POR: variants seen among roughly 807,000 people sequenced by gnomAD.
POR encodes cytochrome p450 oxidoreductase, also known as NADPH--cytochrome P450 reductase.
Under a neutral mutation model 84.0 loss-of-function variants are expected in POR, and 56 were observed. That is an observed-to-expected ratio of 0.67 (90% CI 0.54 to 0.83). The LOEUF is 0.83. Ranked by LOEUF, POR falls within the 40% of genes least tolerant of loss-of-function variation. The pLI is 0.00. For missense variants in POR, 938 were observed against 944.3 expected (o/e 0.99, Z 0.09); for synonymous variants, 414 against 400.5 (o/e 1.03, Z -0.40).
intron 5 of POR, 94 bp downstream of exon 5, chr7:75,980,582 C>T (rs1554557612): frequency 1.2e-6 from 2 of 1,610,406 alleles, no homozygotes; most frequent in Non-Finnish European, 1.7e-6. Flanking sequence ...GCCCTCCAGA[C>T]CCCCACCCTG....
intron 3 of POR, among the ~76,000 whole-genome samples, chr7:75,975,504 G>A (rs975351610): frequency 3.2e-4 from 49 of 152,130 alleles, no homozygotes; most frequent in Admixed American, 3.2e-3. Context: ...GTGGGACACA[G>A]TGGTGCGCAC....
At chr7:75,969,742 G>T (rs937848097) in intron 2 of POR, among the ~76,000 whole-genome samples, 9 of 152,186 alleles carry the variant, frequency 5.9e-5, no homozygotes, top group Non-Finnish European at 1.3e-4. Flanking sequence ...GTCCGCCCCT[G>T]CCAGCCTCGT....
rs1241525042 is a variant in POR, at chr7:75,933,382, T to TTTG, written c.-5+18205_-5+18206insGTT. ...TGTTATACAATAGGTCTTTGTTTTT[T>TTTG]TTTTTTTTTTTTTTTTTTTTTTTTG... On this transcript the variant is annotated intron_variant, in intron 1 of 15. Coordinates refer to ENST00000461988, the MANE Select transcript of POR (RefSeq NM_000941.3). 7.2e-4 allele frequency among the ~76,000 whole-genome samples: 62 copies of TTTG among 85,626 alleles called. 2 individuals carry two copies. The highest frequency in any genetic ancestry group is 6.9e-3 in the African/African-American group (60 of 8,720). The allele number at this position is 85,626 out of a possible 152,430, so 56.2% of individuals were successfully genotyped here.
intron 2 of POR, among the ~76,000 whole-genome samples, chr7:75,956,036 G>T (rs888189784): frequency 6.6e-6 from 1 of 152,126 alleles, no homozygotes; most frequent in Non-Finnish European, 1.5e-5. Flanking sequence ...AGCGGCTCAC[G>T]TCTGTAATTC....
At position 75,985,702 on chromosome 7, in the gene POR, G is replaced by T. The variant is rs547817208; in HGVS notation, c.1522G>T (p.Gly508Cys). ...CAAGGAGCCTGCCGGGGAGAACGGC[G>T]GCCGTGCGCTGGTGCCCATGTTCGT... Residue 508 changes from glycine (G) to cysteine (C), a missense_variant, in exon 13 of 16, where the codon GGC (glycine) becomes TGC (cysteine). Transcript: ENST00000461988. 2 of 1,588,404 alleles carry T rather than the reference G, an allele frequency of 1.3e-6. No homozygotes were observed. The highest frequency in any genetic ancestry group is 2.7e-5 in the African/African-American group (2 of 74,614).
chr7:75,932,817 A>G (rs1403768692), intron 1 of POR, among the ~76,000 whole-genome samples: 5 of 152,114 alleles, frequency 3.3e-5, no homozygotes, highest in African/African-American at 1.2e-4. Flanking sequence ...CAGGAGTTTG[A>G]GACCAGCCTG....
At chr7:75,932,995 C>G (rs1242860681) in intron 1 of POR, among the ~76,000 whole-genome samples, 3 of 149,112 alleles carry the variant, frequency 2.0e-5, no homozygotes, top group African/African-American at 7.5e-5. Flanking sequence ...GCATTCCAGC[C>G]TGGGCAACAA....
intron 1 of POR, among the ~76,000 whole-genome samples, chr7:75,924,036 G>A (rs1446487783): frequency 6.6e-6 from 1 of 152,130 alleles, no homozygotes; most frequent in Non-Finnish European, 1.5e-5. Context: ...AAGGAGTCTT[G>A]CTTTGTTGCA....
chr7:75,953,479 G>C (rs1350380403), intron 1 of POR, among the ~76,000 whole-genome samples: 5 of 152,134 alleles, frequency 3.3e-5, no homozygotes, highest in Admixed American at 1.3e-4. Flanking sequence ...TTGCCAGTCA[G>C]GATAGTCCAA....
In POR at chr7:75,975,427, C is replaced by G. The variant is rs79585828; in HGVS notation, c.237+2966C>G. Among the ~76,000 whole-genome samples the G allele has an allele frequency of 5.7e-3, 874 of 152,204 alleles. 8 individuals are homozygous for G. The highest frequency in any genetic ancestry group is 0.02 in the African/African-American group (824 of 41,538). ...GGCCGAGATGGGCAGGTCGCTTGAG[C>G]CCAGGAGTTTGAGACCAGCCTGGGC... On this transcript the variant is annotated intron_variant, in intron 3 of 15. Coordinates refer to ENST00000461988, the MANE Select transcript of POR (RefSeq NM_000941.3).
rs546897400 is a variant in POR at position 75,936,895 on chromosome 7, T to C, written c.-4-17094T>C. ...AGGCTGGAGTGCAGTGGCGCGATCT[T>C]GGCTCACTGCAAACTCCACCTCCCG... On this transcript the variant is annotated intron_variant, in intron 1 of 15. Coordinates refer to ENST00000461988, the MANE Select transcript of POR (RefSeq NM_000941.3). Among the ~76,000 whole-genome samples the C allele has an allele frequency of 1.1e-4, 16 of 149,614 alleles. No homozygotes were observed. In the South Asian group the frequency reaches 2.4e-3, roughly 22 times the overall value.
At chr7:75,941,988 G>A (rs58648820) in intron 1 of POR, among the ~76,000 whole-genome samples, 11,297 of 152,146 alleles carry the variant, frequency 0.074, 1,320 homozygotes, top group African/African-American at 0.25. Context: ...GGAGGCTGAG[G>A]TGGGAGGATC....
chr7:75,964,209 G>A (rs560452654), intron 2 of POR, among the ~76,000 whole-genome samples: 14 of 150,388 alleles, frequency 9.3e-5, no homozygotes, highest in Non-Finnish European at 1.3e-4. Flanking sequence ...CATGTTGACC[G>A]GGCTGGTCTT....
chr7:75,921,135 G>A (rs570753933), intron 1 of POR: 5 of 152,360 alleles, frequency 3.3e-5, no homozygotes, highest in African/African-American at 1.2e-4. Flanking sequence ...TCCACAACAA[G>A]AGCTCTATCT....
At chr7:75,929,873 C>T (rs146938161) in intron 1 of POR, among the ~76,000 whole-genome samples, 1 of 152,292 alleles carries the variant, frequency 6.6e-6, no homozygotes, top group East Asian at 1.9e-4. Flanking sequence ...GCACAGCCCA[C>T]TACTAGCTGA....
chr7:75,970,722 C>T (rs1462951935), intron 2 of POR, among the ~76,000 whole-genome samples: 1 of 150,144 alleles, frequency 6.7e-6, no homozygotes, highest in Non-Finnish European at 1.5e-5. Flanking sequence ...GCACTCCAGC[C>T]TGGGCGACAA....
At chr7:75,939,976 C>T (rs2116331842) in intron 1 of POR, among the ~76,000 whole-genome samples, 2 of 152,288 alleles carry the variant, frequency 1.3e-5, no homozygotes, top group East Asian at 1.9e-4. Context: ...GGGATACTCA[C>T]TGCAGCCTCA....
intron 2 of POR, among the ~76,000 whole-genome samples, chr7:75,961,274 T>TA (rs34683650): frequency 4.0e-4 from 56 of 141,394 alleles, no homozygotes; most frequent in Middle Eastern, 3.7e-3. Context: ...ACAGCTTCTT[T>TA]AAAAAAAAAA....
chr7:75,975,838 G>A lies in POR; in HGVS notation c.237+3377G>A, dbSNP rs1309228477. Among the ~76,000 whole-genome samples the A allele has an allele frequency of 1.6e-3, 7 of 4,294 alleles. No homozygotes were observed. In the Admixed American group the frequency reaches 0.018, roughly 11 times the overall value. The allele number at this position is 4,294 out of a possible 152,430, so 2.8% of individuals were successfully genotyped here. On this transcript the variant is annotated intron_variant, in intron 3 of 15. Transcript: ENST00000461988. ...GATTTTTTTTTTTTTTTTTGGTAGA[G>A]ACTGGGTCTCACTCTGTTGCCCAGG...
Sources: gnomAD v4.1 joint callset for allele counts (sites outside exome capture counted in the v4.1 genomes callset) on GRCh38, gnomAD v4.1.1 for gene constraint, MANE v1.5 for transcripts, NCBI Gene and HGNC (gene_info 2026-07-23, HGNC 2026-07-21) for gene names.